POLE2: variants seen among roughly 807,000 people sequenced by gnomAD.
POLE2 encodes DNA polymerase epsilon 2, accessory subunit, also known as DNA polymerase epsilon subunit 2.
Under a neutral mutation model 79.4 loss-of-function variants are expected in POLE2, and 56 were observed. The observed-to-expected ratio is 0.71, with a 90% CI of 0.57 to 0.88. The LOEUF is 0.88. Ranked by LOEUF, POLE2 falls within the 40% of genes least tolerant of loss-of-function variation. POLE2 has a pLI of 0.00. For missense variants in POLE2, 598 were observed against 638.9 expected (o/e 0.94, Z 0.69); for synonymous variants, 212 against 214.0 (o/e 0.99, Z 0.08).
chr14:49,682,457 T>C (rs1016358356), intron 2 of POLE2, among the ~76,000 whole-genome samples: 2 of 150,998 alleles, frequency 1.3e-5, no homozygotes, highest in African/African-American at 4.9e-5. Context: ...GCCAACATGG[T>C]GAAACCTCGT....
At chr14:49,655,458 A>AACACACACACAC (rs35575577) in intron 11 of POLE2, among the ~76,000 whole-genome samples, 3,741 of 143,432 alleles carry the variant, frequency 0.026, 149 homozygotes, top group African/African-American at 0.087. Context: ...CATGACTATA[A>AACACACACACAC]ACACACACAC....
At chr14:49,654,872 C>T in intron 12 of POLE2, 34 bp from the exon 13 acceptor site, 3 of 1,464,664 alleles carry the variant, frequency 2.0e-6, no homozygotes, top group Non-Finnish European at 1.8e-6. Flanking sequence ...ATTAAATTTG[C>T]ATATAATGCC....
chr14:49,651,223 T>A, intron 16 of POLE2, 46 bp downstream of exon 16: 1 of 810,064 alleles, frequency 1.2e-6, no homozygotes, highest in Non-Finnish European at 2.1e-6. Context: ...AAATTTTATA[T>A]AATGCAACAT....
rs1204266681 is a variant in POLE2, at chr14:49,649,458, C to CT, written c.1497+806dup. ...ACCACACCCGGCCTATATTTCTTTT[C>CT]TTTTTTTTTGAGATGGAGTCTCGCT... On this transcript the variant is annotated intron_variant, in intron 17 of 18. Transcript: ENST00000216367. 1.2e-4 allele frequency among the ~76,000 whole-genome samples: 15 copies of CT among 120,468 alleles called. 1 individual carries two copies. In the South Asian group the frequency reaches 3.4e-3, roughly 27 times the overall value. 79.0% of individuals were successfully genotyped at this position (120,468 alleles called of 152,430 possible).
chr14:49,651,024 A>G (rs1041381132), intron 16 of POLE2, among the ~76,000 whole-genome samples: 5 of 152,146 alleles, frequency 3.3e-5, no homozygotes, highest in African/African-American at 1.2e-4. Context: ...GCAAAACACG[A>G]AGCTTGAAAG....
Position 49,655,767 on chromosome 14 carries a change from G to T in POLE2, c.832C>A (p.Leu278Ile). The stretch of plus-strand genomic sequence containing the variant: ...ATAGCATCTTTATTCTCCTCTTCTA[G>T]CTGTTTTAGTTTTGCAGAAGTCTTC... ...SVKTSAKLKQ[L>I]EEENKDAMFV... The change falls in exon 11 of 19, where the codon CTA becomes ATA. Residue 278 changes from leucine (L) to isoleucine (I), a missense_variant. Coordinates refer to ENST00000216367, the MANE Select transcript of POLE2 (RefSeq NM_002692.4). The T allele has an allele frequency of 6.2e-7, 1 of 1,607,810 alleles. No individual in the cohort carries two copies. Among genetic ancestry groups the T allele is most frequent in the South Asian group, 1.1e-5 (1 of 90,740 alleles).
In POLE2 at chr14:49,643,660, C is replaced by T. The variant is rs1883552115; in HGVS notation, c.1576G>A (p.Gly526Ser). The change falls in exon 19 of 19, where the codon GGC becomes AGC. Residue 526 changes from glycine to serine, a missense_variant. Transcript: ENST00000216367. ...NKTVEDSKLQGF is the reference protein window; with the variant it reads ...NKTVEDSKLQSF The stretch of plus-strand genomic sequence containing the variant: ...GATGATCTTTAAGAATCTCAAAAGC[C>T]TTGAAGTTTGCTGAAAATAGAAAAA... The T allele has an allele frequency of 7.1e-7, 1 of 1,411,042 alleles. No individual in the cohort carries two copies. Among genetic ancestry groups the T allele is most frequent in the Non-Finnish European group, 9.8e-7 (1 of 1,015,356 alleles). The allele number at this position is 1,411,042 out of a possible 1,614,324, so 87.4% of individuals were successfully genotyped here. A position where few individuals can be genotyped will look rare whatever the true frequency, so the allele number is the denominator to read the frequency against.
intron 3 of POLE2, among the ~76,000 whole-genome samples, chr14:49,678,626 C>T (rs1351261725): frequency 6.6e-6 from 1 of 151,954 alleles, no homozygotes; most frequent in African/African-American, 2.4e-5. Flanking sequence ...CTATTGATGG[C>T]TTTAGGAACA....
chr14:49,646,360 C>T (rs1883778147), intron 18 of POLE2, among the ~76,000 whole-genome samples: 1 of 131,858 alleles, frequency 7.6e-6, no homozygotes, highest in Non-Finnish European at 1.5e-5. Context: ...CTCTGTTGCC[C>T]AGGCTGGAGT....
intron 10 of POLE2, among the ~76,000 whole-genome samples, chr14:49,659,954 A>G (rs1884982083): frequency 6.6e-6 from 1 of 152,208 alleles, no homozygotes; most frequent in African/African-American, 2.4e-5. Context: ...CTAAGTATAC[A>G]GTGTTAATAG....
chr14:49,655,033 A>C lies in POLE2; in HGVS notation c.990T>G (p.Tyr330Ter), dbSNP rs2139623078. 4 of 1,581,376 alleles carry C rather than the reference A, an allele frequency of 2.5e-6. No individual in the cohort carries two copies. The highest frequency in any genetic ancestry group is 3.4e-6 in the Non-Finnish European group (4 of 1,162,682). Residue 330 changes from tyrosine (Y) to a stop codon, truncating the protein, a stop_gained, in exon 12 of 19, where the codon TAT becomes TAG. Transcript: ENST00000216367. LOFTEE classifies it high-confidence loss of function. ...TCAAAGCTTGAACTTGATTTTTTCC[A>C]TATGGTGCAGATGAAAAATTACCAC... ...ILCGNFSSAP[Y>*]GKNQVQALKD...
chr14:49,683,026 T>C (rs1471322244), intron 2 of POLE2, among the ~76,000 whole-genome samples: 1 of 150,854 alleles, frequency 6.6e-6, no homozygotes, highest in African/African-American at 2.5e-5. Flanking sequence ...ACACCTCCAC[T>C]GGGGGAAAGG....
Position 49,647,364 on chromosome 14 carries a change from T to TG in POLE2, c.1498-5dup. The TG allele has an allele frequency of 2.0e-6, 3 of 1,530,458 alleles. No homozygotes were observed. Among genetic ancestry groups the TG allele is most frequent in the Non-Finnish European group, 1.8e-6 (2 of 1,129,970 alleles). The allele number at this position is 1,530,458 out of a possible 1,614,324, so 94.8% of individuals were successfully genotyped here. On this transcript the variant is annotated splice_region_variant and splice_polypyrimidine_tract_variant and intron_variant, in intron 17 of 18. Transcript: ENST00000216367. ...ATCCACTTCTTGGAAAAGAGCCCTTTGGGGGAGAAAAATGCCTGTAAGTGA... is the reference window on the plus strand; with the variant it reads ...ATCCACTTCTTGGAAAAGAGCCCTTTGGGGGGAGAAAAATGCCTGTAAGTGA...
chr14:49,663,329 G>T lies in POLE2; in HGVS notation c.741C>A (p.Pro247=). Reference sequence around the variant, plus strand: ...CATTTTAATACCTAGTAGTACTAGAGGGCTCAGTGGGTGGAAATCCAAAGG... The same window carrying T: ...CATTTTAATACCTAGTAGTACTAGATGGCTCAGTGGGTGGAAATCCAAAGG... ...VNAFGFPPTE[P]SSTTRAYYGN... is the part of the protein sequence containing the mutation. The change falls in exon 10 of 19, where the codon CCC becomes CCA. Residue 247 remains proline (P), a synonymous_variant. Coordinates refer to ENST00000216367, the MANE Select transcript of POLE2 (RefSeq NM_002692.4). The T allele has an allele frequency of 6.2e-7, 1 of 1,601,070 alleles. No homozygotes were observed. The highest frequency in any genetic ancestry group is 8.5e-7 in the Non-Finnish European group (1 of 1,170,238).
chr14:49,677,824 T>C, intron 3 of POLE2: 1 of 511,222 alleles, frequency 2.0e-6, no homozygotes, highest in Non-Finnish European at 3.3e-6. Flanking sequence ...ACCCTCACAA[T>C]GCTTGCCTCC....
chr14:49,646,664 C>T (rs34486682), intron 18 of POLE2: 34,642 of 151,934 alleles, frequency 0.23, 4,247 homozygotes, highest in Admixed American at 0.3. Flanking sequence ...TTTCAAAATA[C>T]AGTTATCTGA....
At chr14:49,679,679 T>A in intron 3 of POLE2, 46 bp downstream of exon 3, 1 of 915,108 alleles carries the variant, frequency 1.1e-6, no homozygotes, top group Non-Finnish European at 1.8e-6. Context: ...AAATAAGTGC[T>A]CAATAACACC....
chr14:49,673,987 A>C, intron 5 of POLE2, 136 bp downstream of exon 5: 1 of 676,522 alleles, frequency 1.5e-6, no homozygotes, highest in South Asian at 1.7e-5. Flanking sequence ...AAATCTTAAT[A>C]ACAGTTTATT....
chr14:49,678,677 GAC>G (rs1345962166), intron 3 of POLE2, among the ~76,000 whole-genome samples: 1 of 151,764 alleles, frequency 6.6e-6, no homozygotes, highest in Non-Finnish European at 1.5e-5. Context: ...TTTTTTTTGA[GAC>G]AGAGTCTCAC....
Sources: gnomAD v4.1 joint callset for allele counts (sites outside exome capture counted in the v4.1 genomes callset) on GRCh38, gnomAD v4.1.1 for gene constraint, MANE v1.5 for transcripts, NCBI Gene and HGNC (gene_info 2026-07-23, HGNC 2026-07-21) for gene names.